The following C6 variants were observed in gnomAD, a reference collection of about 807,000 sequenced individuals.
C6 encodes the protein complement component C6.
In C6, 101 loss-of-function variants were observed where a neutral mutation model predicts 112.9. The observed-to-expected ratio is 0.89, with a 90% CI of 0.76 to 1.06. The LOEUF is 1.06. C6 is among the 50% of genes least tolerant of loss of function. C6 has a pLI of 0.00. For missense variants in C6, 1,202 were observed against 1,104.6 expected, an observed-to-expected ratio of 1.09 and a Z score of -1.25; for synonymous variants, 431 against 384.1, an observed-to-expected ratio of 1.12 and a Z score of -1.43.
intron 2 of C6, among the ~76,000 whole-genome samples, chr5:41,202,406 T>C (rs778078462): frequency 9.2e-5 from 14 of 152,156 alleles, no homozygotes; most frequent in Non-Finnish European, 1.5e-4. Context: ...ACATATATAG[T>C]AGATGGTTTA....
intron 6 of C6, among the ~76,000 whole-genome samples, chr5:41,185,429 C>T (rs1018488774): frequency 2.6e-5 from 4 of 152,142 alleles, no homozygotes; most frequent in African/African-American, 7.2e-5. Flanking sequence ...ACCATTAAAA[C>T]GTGTATTTTC....
At chr5:41,189,980 T>G (rs1395336840) in intron 5 of C6, among the ~76,000 whole-genome samples, 1 of 152,210 alleles carries the variant, frequency 6.6e-6, no homozygotes, top group African/African-American at 2.4e-5. Flanking sequence ...ATTTTGTATA[T>G]GTAACATGTT....
At position 41,181,305 on chromosome 5, in the gene C6, G is replaced by A. The variant is rs1281545716; in HGVS notation, c.927+54C>T. ...TCCCCTTCTTATTGCATGATTACTG[G>A]AATTACTGTTAATTTTCAAGAAAGA... On this transcript the variant is annotated intron_variant, in intron 7 of 17. Coordinates refer to ENST00000337836, the MANE Select transcript of C6 (RefSeq NM_000065.5). 7.5e-6 allele frequency: 11 copies of A among 1,467,070 alleles called. No homozygotes were observed. The East Asian group carries it at 1.1e-4, about 15-fold the overall frequency. 90.9% of individuals were successfully genotyped at this position (1,467,070 alleles called of 1,614,324 possible).
chr5:41,254,706 A>AG (rs1561208987), intron 1 of C6, among the ~76,000 whole-genome samples: 6 of 152,374 alleles, frequency 3.9e-5, no homozygotes, highest in African/African-American at 1.4e-4. Context: ...AAAGGAAATC[A>AG]TAATACAGTG....
intron 1 of C6, among the ~76,000 whole-genome samples, chr5:41,207,294 C>A (rs769993800): frequency 1.4e-4 from 21 of 152,162 alleles, no homozygotes; most frequent in Non-Finnish European, 2.6e-4. Flanking sequence ...TAAAGACCAT[C>A]AATGCTAGGA....
chr5:41,249,407 C>T (rs1741207522), intron 1 of C6, among the ~76,000 whole-genome samples: 1 of 152,136 alleles, frequency 6.6e-6, no homozygotes, highest in East Asian at 1.9e-4. Context: ...CTTGTAAATA[C>T]TGAAAATGAT....
rs199788917 is a variant in C6, at chr5:41,199,801, C to T, written c.412G>A (p.Ala138Thr). Residue 138 changes from alanine to threonine, a missense_variant, in exon 4 of 18, where the codon GCT becomes ACT. By Grantham distance (58) the Ala-to-Thr change is moderately conservative. Transcript: ENST00000337836. ...IPSKLCKIEE[A>T]DCKNKFRCDS... Reference sequence around the variant, plus strand: ...CAGCGAAATTTATTCTTGCAGTCAGCCTCTTCAATTTTGCAGAGCTTAGAT... The same window carrying T: ...CAGCGAAATTTATTCTTGCAGTCAGTCTCTTCAATTTTGCAGAGCTTAGAT... The T allele has an allele frequency of 4.3e-6, 7 of 1,613,734 alleles. No homozygotes were observed. The African/African-American group carries it at 9.3e-5, about 22-fold the overall frequency.
intron 1 of C6, among the ~76,000 whole-genome samples, chr5:41,258,581 G>T (rs1470085832): frequency 4.6e-5 from 7 of 152,154 alleles, no homozygotes; most frequent in Admixed American, 4.6e-4. Context: ...AAGCTTCAAA[G>T]AATTTACTTA....
rs1748270934 is a variant in C6, at chr5:41,169,706, A to G, written c.1291+2519T>C. On this transcript the variant is annotated intron_variant, in intron 9 of 17. Coordinates refer to ENST00000337836, the MANE Select transcript of C6 (RefSeq NM_000065.5). ...GAGTGGTAGGAGGAGGGTGAAGGGG[A>G]AAGTGCTGCATACTTTTAAACAACC... 2.0e-5 allele frequency among the ~76,000 whole-genome samples: 3 copies of G among 151,986 alleles called. No individual in the cohort carries two copies. In the South Asian group the frequency reaches 6.2e-4, roughly 32 times the overall value.
At chr5:41,189,352 T>C (rs1017576961) in intron 5 of C6, among the ~76,000 whole-genome samples, 9 of 152,080 alleles carry the variant, frequency 5.9e-5, no homozygotes, top group African/African-American at 2.2e-4. Context: ...TTACTCATAC[T>C]AGTCAAAGTA....
intron 1 of C6, among the ~76,000 whole-genome samples, chr5:41,226,962 G>C (rs1366597299): frequency 2.6e-5 from 4 of 151,932 alleles, no homozygotes; most frequent in African/African-American, 9.7e-5. Flanking sequence ...ATTTCCTTTG[G>C]ATGTATACTC....
intron 1 of C6, among the ~76,000 whole-genome samples, chr5:41,206,526 C>G (rs533790514): frequency 5.3e-5 from 8 of 152,100 alleles, no homozygotes; most frequent in Non-Finnish European, 1.2e-4. Flanking sequence ...TAGAGAAGAC[C>G]TTAAATGACC....
At chr5:41,184,930 A>T (rs1164189336) in intron 6 of C6, among the ~76,000 whole-genome samples, 1 of 152,204 alleles carries the variant, frequency 6.6e-6, no homozygotes, top group Non-Finnish European at 1.5e-5. Flanking sequence ...AATTTGCTCC[A>T]GCCTCATATA....
intron 1 of C6, among the ~76,000 whole-genome samples, chr5:41,258,932 G>C (rs1169056356): frequency 4.6e-5 from 7 of 152,132 alleles, no homozygotes; most frequent in Admixed American, 4.6e-4. Context: ...ACCTTCATCT[G>C]GTCCCACCCT....
intron 5 of C6, among the ~76,000 whole-genome samples, chr5:41,188,823 A>C (rs865933118): frequency 6.6e-6 from 1 of 152,076 alleles, no homozygotes; most frequent in Non-Finnish European, 1.5e-5. Context: ...CCAACAAAAA[A>C]GTGAAAATAC....
At chr5:41,227,856 G>A (rs1303033209) in intron 1 of C6, among the ~76,000 whole-genome samples, 2 of 152,060 alleles carry the variant, frequency 1.3e-5, no homozygotes, top group Non-Finnish European at 1.5e-5. Flanking sequence ...GTGCCATTCT[G>A]TTTGAAATAC....
chr5:41,165,376 A>G (rs1747892127), intron 9 of C6, among the ~76,000 whole-genome samples: 1 of 152,190 alleles, frequency 6.6e-6, no homozygotes, highest in Non-Finnish European at 1.5e-5. Context: ...CCAAAATGGT[A>G]TTACCAATTT....
rs769685286 is a variant in C6, at chr5:41,161,783, T to G, written c.1368A>C (p.Ala456=). The change falls in exon 10 of 18, where the codon GCA becomes GCC. Residue 456 remains alanine, a synonymous_variant. Transcript: ENST00000337836. ...GGRSEYGAAL[A]WEKGSSGLEE... is the part of the protein sequence containing the mutation. The stretch of plus-strand genomic sequence containing the variant: ...CCAGACCAGAGCTCCCTTTCTCCCA[T>G]GCCAAAGCTGCTCCATATTCACTCC... 1.9e-6 allele frequency: 3 copies of G among 1,613,584 alleles called. No individual in the cohort carries two copies. In the Admixed American group the frequency reaches 5.0e-5, roughly 27 times the overall value.
chr5:41,201,846 G>C, intron 2 of C6, 132 bp from the exon 3 acceptor site: 1 of 808,870 alleles, frequency 1.2e-6, no homozygotes. Flanking sequence ...AAATTAGGCA[G>C]GTTGGCATAT....
Sources: allele counts gnomAD v4.1 joint callset (sites outside exome capture counted in the v4.1 genomes callset), GRCh38; gene constraint gnomAD v4.1.1; transcripts MANE v1.5; gene names NCBI Gene and HGNC (gene_info 2026-07-23, HGNC 2026-07-21).